Variants in CACNA2D3 observed in about 807,000 individuals in gnomAD.
CACNA2D3 encodes calcium voltage-gated channel auxiliary subunit alpha2delta 3, also known as voltage-dependent calcium channel subunit alpha-2/delta-3.
In CACNA2D3, 60 loss-of-function variants were observed where a neutral mutation model predicts 160.6. That is an observed-to-expected ratio of 0.37 (90% CI 0.30 to 0.46). The LOEUF (loss-of-function observed/expected upper bound fraction) is 0.46, where lower values mean the gene tolerates loss of function less well. Ranked by LOEUF, CACNA2D3 falls within the 20% of genes least tolerant of loss-of-function variation. The pLI, the probability that CACNA2D3 is intolerant of heterozygous loss-of-function variation, is 1.00. For synonymous variants in CACNA2D3, 558 were observed against 492.9 expected (o/e 1.13, Z -1.75); for missense variants, 1,205 against 1,365.0 (o/e 0.88, Z 1.85).
chr3:54,503,779 T>A, intron 5 of CACNA2D3, 125 bp downstream of exon 5: 1 of 773,442 alleles, frequency 1.3e-6, no homozygotes, highest in Non-Finnish European at 2.1e-6. Flanking sequence ...AGTTATAAGC[T>A]GAGTGTGTCA....
chr3:54,928,932 C>T (rs1255283132), intron 27 of CACNA2D3, among the ~76,000 whole-genome samples: 1 of 152,148 alleles, frequency 6.6e-6, no homozygotes, highest in African/African-American at 2.4e-5. Context: ...GGAACCGTTT[C>T]TTTGAATGTG....
intron 4 of CACNA2D3, among the ~76,000 whole-genome samples, chr3:54,497,530 AT>A (rs1405312437): frequency 1.3e-5 from 2 of 152,006 alleles, no homozygotes; most frequent in Admixed American, 6.5e-5. Flanking sequence ...GATTTTCTAT[AT>A]AGACAAAATC....
At chr3:54,180,459 A>G (rs1700763655) in intron 2 of CACNA2D3, among the ~76,000 whole-genome samples, 1 of 152,218 alleles carries the variant, frequency 6.6e-6, no homozygotes, top group Non-Finnish European at 1.5e-5. Context: ...TCTGAGGCTC[A>G]TGACTGATGT....
intron 4 of CACNA2D3, among the ~76,000 whole-genome samples, chr3:54,476,018 A>G (rs962293129): frequency 4.5e-4 from 67 of 148,692 alleles, no homozygotes; most frequent in African/African-American, 1.6e-3. Flanking sequence ...GCCCCTGGCA[A>G]CCATCATTCT....
At position 54,305,477 on chromosome 3, in the gene CACNA2D3, T is replaced by C. The variant is rs547713959; in HGVS notation, c.205-14965T>C. On this transcript the variant is annotated intron_variant, in intron 2 of 37. Coordinates refer to ENST00000474759, the MANE Select transcript of CACNA2D3 (RefSeq NM_018398.3). The stretch of plus-strand genomic sequence containing the variant: ...AGAGAACAGAACTGTCTAGTGGCAT[T>C]GTTTCAGGAAATGTCCAAAATTTTA... Among the ~76,000 whole-genome samples, 27 of 152,378 alleles carry C rather than the reference T, an allele frequency of 1.8e-4. No homozygotes were observed. The South Asian group carries it at 5.4e-3, about 30-fold the overall frequency.
At chr3:54,929,973 G>A (rs570412727) in intron 27 of CACNA2D3, among the ~76,000 whole-genome samples, 3 of 152,146 alleles carry the variant, frequency 2.0e-5, no homozygotes, top group Admixed American at 2.0e-4. Context: ...CTTTCCCTGG[G>A]GTCAGAAACA....
At chr3:54,625,736 T>C (rs1191852322) in intron 9 of CACNA2D3, among the ~76,000 whole-genome samples, 1 of 152,220 alleles carries the variant, frequency 6.6e-6, no homozygotes, top group Non-Finnish European at 1.5e-5. Context: ...TGGCACCATC[T>C]TGCCAGCAAA....
At chr3:54,233,363 A>G (rs530983874) in intron 2 of CACNA2D3, among the ~76,000 whole-genome samples, 75 of 152,344 alleles carry the variant, frequency 4.9e-4, no homozygotes, top group Middle Eastern at 3.4e-3. Flanking sequence ...TGTGGGCTGC[A>G]TAGAAAGGGT....
chr3:54,724,804 C>T (rs917973900), intron 11 of CACNA2D3, among the ~76,000 whole-genome samples: 5 of 151,982 alleles, frequency 3.3e-5, no homozygotes, highest in African/African-American at 1.2e-4. Context: ...ATTAAATGCC[C>T]ACAAGAGAAA....
At chr3:54,688,326 C>T (rs1246427317) in intron 11 of CACNA2D3, among the ~76,000 whole-genome samples, 4 of 152,116 alleles carry the variant, frequency 2.6e-5, no homozygotes, top group African/African-American at 4.8e-5. Context: ...TTATTTCCTT[C>T]TTTTTTTCCT....
At chr3:54,702,939 C>T (rs1700792844) in intron 11 of CACNA2D3, among the ~76,000 whole-genome samples, 2 of 152,150 alleles carry the variant, frequency 1.3e-5, no homozygotes, top group Admixed American at 1.3e-4. Flanking sequence ...AACATGGATG[C>T]AGCTGGAAGC....
chr3:54,567,671 G>T (rs2106715641), intron 6 of CACNA2D3, among the ~76,000 whole-genome samples: 1 of 152,306 alleles, frequency 6.6e-6, no homozygotes, highest in African/African-American at 2.4e-5. Flanking sequence ...AAGTAGCTGG[G>T]ATTACAGGCG....
At chr3:55,037,467 G>A (rs1703847297) in intron 35 of CACNA2D3, among the ~76,000 whole-genome samples, 1 of 152,174 alleles carries the variant, frequency 6.6e-6, no homozygotes, top group Non-Finnish European at 1.5e-5. Context: ...TTTGAGAGGA[G>A]GAATTTCAGA....
intron 35 of CACNA2D3, among the ~76,000 whole-genome samples, chr3:55,031,962 G>T (rs990004811): frequency 6.6e-6 from 1 of 152,136 alleles, no homozygotes; most frequent in African/African-American, 2.4e-5. Context: ...CATTTCTATT[G>T]AAGTAGGTTG....
At chr3:55,037,608 G>A (rs1021354716) in intron 35 of CACNA2D3, among the ~76,000 whole-genome samples, 17 of 152,292 alleles carry the variant, frequency 1.1e-4, no homozygotes, top group Admixed American at 2.6e-4. Context: ...AGTAAACAGC[G>A]ATGGATTTCT....
chr3:54,819,620 G>A (rs984257335), intron 14 of CACNA2D3, among the ~76,000 whole-genome samples: 1 of 152,206 alleles, frequency 6.6e-6, no homozygotes, highest in Non-Finnish European at 1.5e-5. Context: ...GCCGAGGCAG[G>A]TGGATTACGA....
chr3:54,706,203 A>ATACC (rs1343018832), intron 11 of CACNA2D3, among the ~76,000 whole-genome samples: 1 of 152,190 alleles, frequency 6.6e-6, no homozygotes, highest in African/African-American at 2.4e-5. Flanking sequence ...ACATAAGGAG[A>ATACC]TACCTTCTTG....
Position 54,861,010 on chromosome 3 carries a change from C to G in CACNA2D3, c.1627-10529C>G, listed in dbSNP as rs546550763. ...TGTTCATTCCCTCGGTCCACTCATT[C>G]GTCACATATTCATGGGAACCTGTTC... On this transcript the variant is annotated intron_variant, in intron 17 of 37. Coordinates refer to ENST00000474759, the MANE Select transcript of CACNA2D3 (RefSeq NM_018398.3). 5.9e-5 allele frequency among the ~76,000 whole-genome samples: 9 copies of G among 152,286 alleles called. No individual in the cohort carries two copies. The South Asian group carries it at 1.9e-3, about 32-fold the overall frequency.
At chr3:54,879,279 T>C in intron 19 of CACNA2D3, 71 bp from the exon 20 acceptor site, 1 of 1,179,640 alleles carries the variant, frequency 8.5e-7, no homozygotes, top group Non-Finnish European at 1.2e-6. Flanking sequence ...TTTATTTATT[T>C]CTGAAGACGT....
Sources: gnomAD v4.1 joint callset for allele counts (sites outside exome capture counted in the v4.1 genomes callset) on GRCh38, gnomAD v4.1.1 for gene constraint, MANE v1.5 for transcripts, NCBI Gene and HGNC (gene_info 2026-07-23, HGNC 2026-07-21) for gene names.